Variants in COL6A1 observed in about 807,000 individuals in gnomAD.
The protein encoded by COL6A1 is collagen type VI alpha 1 chain, also known as collagen alpha-1(VI) chain.
COL6A1 carries 80 observed loss-of-function variants against 145.6 expected under a neutral mutation model. That is an observed-to-expected ratio of 0.55 (90% CI 0.46 to 0.66). The LOEUF (loss-of-function observed/expected upper bound fraction) is 0.66, where lower values mean the gene tolerates loss of function less well. COL6A1 is among the 30% of genes least tolerant of loss of function. The pLI is 0.00. For missense variants in COL6A1, 1,364 were observed against 1,473.8 expected, an observed-to-expected ratio of 0.93 and a Z score of 1.22; for synonymous variants, 638 against 622.8, an observed-to-expected ratio of 1.02 and a Z score of -0.36.
At position 46,004,050 on chromosome 21, in the gene COL6A1, AC is replaced by A. The variant is rs753788206; in HGVS notation, c.*41del. 6.2e-6 allele frequency: 10 copies of A among 1,606,536 alleles called. No homozygotes were observed. The African/African-American group carries it at 1.1e-4, about 17-fold the overall frequency. On this transcript the variant is annotated 3_prime_UTR_variant, in exon 35 of 35. Transcript: ENST00000361866. ...CGCCGGCACCAAACCCTGTCCTCCCACCCCTCCCCACTCATCACTAAACAGA... is the reference window on the plus strand; with the variant it reads ...CGCCGGCACCAAACCCTGTCCTCCCACCCTCCCCACTCATCACTAAACAGA...
At chr21:46,000,626 G>A in intron 28 of COL6A1, 133 bp from the exon 29 acceptor site, 1 of 1,403,106 alleles carries the variant, frequency 7.1e-7, no homozygotes, top group Non-Finnish European at 1.0e-6. Flanking sequence ...GGGGCAGGAG[G>A]CCGGGGAAGG....
intron 3 of COL6A1, among the ~76,000 whole-genome samples, chr21:45,985,287 C>T (rs1311656988): frequency 1.3e-5 from 2 of 149,446 alleles, no homozygotes; most frequent in Admixed American, 6.6e-5. Context: ...GGGACAGAGA[C>T]AGAGAGATAG....
At chr21:45,998,750 C>T in intron 24 of COL6A1, 147 bp from the exon 25 acceptor site, 1 of 1,089,310 alleles carries the variant, frequency 9.2e-7, no homozygotes, top group Non-Finnish European at 1.3e-6. Flanking sequence ...ACTCCGGGAC[C>T]CAGTTTCTCC....
At chr21:45,998,803 G>GGCACT in intron 24 of COL6A1, 94 bp from the exon 25 acceptor site, 1 of 1,335,678 alleles carries the variant, frequency 7.5e-7, no homozygotes, top group Non-Finnish European at 1.0e-6. Flanking sequence ...AGAGAAGAGT[G>GGCACT]CCTCTCTTAT....
Position 45,994,380 on chromosome 21 carries a change from G to A in COL6A1, c.1398+151G>A, listed in dbSNP as rs1010907358. The stretch of plus-strand genomic sequence containing the variant: ...TCGGGGGTGTCCCTGCGTGGGAGCC[G>A]GCTGCAGGGGGTGAGGCGCGGCCTG... On this transcript the variant is annotated intron_variant, in intron 20 of 34. Transcript: ENST00000361866. The surrounding 1 kb of genome is among the most constrained non-coding windows in gnomAD (Gnocchi z 6.8). 7.9e-5 allele frequency: 65 copies of A among 819,526 alleles called. No homozygotes were observed. The highest frequency in any genetic ancestry group is 9.3e-5 in the Non-Finnish European group (47 of 503,788). 50.8% of individuals were successfully genotyped at this position (819,526 alleles called of 1,614,324 possible).
chr21:46,001,465 T>G (rs935966970), intron 30 of COL6A1, 79 bp downstream of exon 30: 122 of 1,573,332 alleles, frequency 7.8e-5, no homozygotes, highest in Non-Finnish European at 9.7e-5. Flanking sequence ...GCGCCAGACC[T>G]CAGCCTCCCG....
chr21:46,002,407 G>T lies in COL6A1; in HGVS notation c.2250+6G>T. 2 of 1,606,796 alleles carry T rather than the reference G, an allele frequency of 1.2e-6. No homozygotes were observed. Among genetic ancestry groups the T allele is most frequent in the Middle Eastern group, 1.7e-4 (1 of 6,054 alleles). ...TCTGCAGCCCCGGCATCCAGGTGGGGTGGCCACCCCCAGGCTGCACCTGCC... is the reference window on the plus strand; with the variant it reads ...TCTGCAGCCCCGGCATCCAGGTGGGTTGGCCACCCCCAGGCTGCACCTGCC... On this transcript the variant is annotated splice_donor_region_variant and intron_variant, in intron 32 of 34. Transcript: ENST00000361866.
Position 45,992,658 on chromosome 21 carries a change from G to A in COL6A1, c.1273-90G>A, listed in dbSNP as rs1037010129. The stretch of plus-strand genomic sequence containing the variant: ...GCCCCTCCCAGGGGTCCTGCTGGGG[G>A]AGTCAGTCCAGGCCAGGCCTCAAGC... On this transcript the variant is annotated intron_variant, in intron 18 of 34. Transcript: ENST00000361866. 3.8e-6 allele frequency: 5 copies of A among 1,326,094 alleles called. No individual in the cohort carries two copies. In the African/African-American group the frequency reaches 4.4e-5, roughly 12 times the overall value. 82.1% of individuals were successfully genotyped at this position (1,326,094 alleles called of 1,614,324 possible).
rs1298441209 is a variant in COL6A1 at position 45,999,684 on chromosome 21, G to A, written c.1768G>A (p.Gly590Arg). The A allele has an allele frequency of 5.6e-6, 9 of 1,613,406 alleles. No individual in the cohort carries two copies. The South Asian group carries it at 9.9e-5, about 18-fold the overall frequency. The change falls in exon 27 of 35, where the codon GGG becomes AGG. Residue 590 changes from glycine to arginine, a missense_variant. Physicochemically the swap from Gly to Arg is moderately radical, Grantham distance 125. Around this residue, in one of 3 missense-constraint regions of COL6A1, gnomAD observed 938 missense variants for 1,003.8 expected, o/e 0.93. Coordinates refer to ENST00000361866, the MANE Select transcript of COL6A1 (RefSeq NM_001848.3). ...ACCCCCAGGACACCAAGGACCGCCT[G>A]GGCCGGACGTAAGTGGGGCTCTGTG... ...QGPPGHQGPP[G>R]PDECEILDII...
In COL6A1 at chr21:45,990,241, G is replaced by A. The variant is rs568147495; in HGVS notation, c.931-17G>A. On this transcript the variant is annotated splice_polypyrimidine_tract_variant and intron_variant, in intron 11 of 34. Coordinates refer to ENST00000361866, the MANE Select transcript of COL6A1 (RefSeq NM_001848.3). Reference sequence around the variant, plus strand: ...CCACCCCAAATACCCCCTCACACCCGCTTCCTGTCTCCGCAGGGCTCCAGG... The same window carrying A: ...CCACCCCAAATACCCCCTCACACCCACTTCCTGTCTCCGCAGGGCTCCAGG... 156 of 1,269,856 alleles carry A rather than the reference G, an allele frequency of 1.2e-4. No individual in the cohort carries two copies. In the Middle Eastern group the frequency reaches 1.2e-3, roughly 10 times the overall value. 78.7% of individuals were successfully genotyped at this position (1,269,856 alleles called of 1,614,324 possible).
At chr21:45,987,692 G>T (rs200123113) in intron 8 of COL6A1, 38 bp downstream of exon 8, 213 of 1,587,604 alleles carry the variant, frequency 1.3e-4, no homozygotes, top group Middle Eastern at 8.8e-4. Flanking sequence ...GTGTTGTGGG[G>T]CCTGGGAGTG....
At chr21:45,996,474 T>C (rs978964086) in intron 20 of COL6A1, among the ~76,000 whole-genome samples, 5 of 152,080 alleles carry the variant, frequency 3.3e-5, no homozygotes, top group African/African-American at 1.2e-4. Context: ...GGGGTCAGGA[T>C]GGTGAATGGG....
At position 46,004,049 on chromosome 21, in the gene COL6A1, C is replaced by T; in HGVS notation, c.*36C>T. 2 of 1,611,706 alleles carry T rather than the reference C, an allele frequency of 1.2e-6. No individual in the cohort carries two copies. The highest frequency in any genetic ancestry group is 1.7e-6 in the Non-Finnish European group (2 of 1,179,160). ...ACGCCGGCACCAAACCCTGTCCTCC[C>T]ACCCCTCCCCACTCATCACTAAACA... On this transcript the variant is annotated 3_prime_UTR_variant, in exon 35 of 35. Coordinates refer to ENST00000361866, the MANE Select transcript of COL6A1 (RefSeq NM_001848.3).
intron 21 of COL6A1, 48 bp from the exon 22 acceptor site, chr21:45,997,652 G>A: frequency 6.4e-7 from 1 of 1,566,166 alleles, no homozygotes; most frequent in African/African-American, 1.4e-5. Flanking sequence ...TTCCCTCCAA[G>A]GTCACCATGC....
At chr21:46,003,269 ACTC>A in intron 34 of COL6A1, 119 bp from the exon 35 acceptor site, 1 of 1,602,668 alleles carries the variant, frequency 6.2e-7, no homozygotes, top group East Asian at 2.2e-5. Flanking sequence ...TGCATGGCTC[ACTC>A]CGGTGGCTGA....
At chr21:45,992,631 T>C in intron 18 of COL6A1, 117 bp from the exon 19 acceptor site, 2 of 1,112,400 alleles carry the variant, frequency 1.8e-6, no homozygotes, top group Non-Finnish European at 1.3e-6. Context: ...GGTGGAGGGG[T>C]GGCCCCTCCC....
rs1310931207 is a variant in COL6A1 at position 46,003,979 on chromosome 21, A to G, written c.3053A>G (p.His1018Arg). The G allele has an allele frequency of 1.2e-6, 2 of 1,613,040 alleles. No homozygotes were observed. The highest frequency in any genetic ancestry group is 1.7e-6 in the Non-Finnish European group (2 of 1,179,992). Residue 1018 changes from histidine (H) to arginine (R), a missense_variant, in exon 35 of 35, where the codon CAC becomes CGC. Coordinates refer to ENST00000361866, the MANE Select transcript of COL6A1 (RefSeq NM_001848.3). ...SYQALLRGVF[H>R]QTVSRKVALG ...CAGGCCCTGCTCCGCGGTGTCTTCC[A>G]CCAGACAGTCTCCAGGAAGGTGGCG...
rs2077724658 is a variant in COL6A1 at position 45,984,304 on chromosome 21, C to T, written c.263C>T (p.Ala88Val). ...YRCDRNLVWN[A>V]GALHYSDEVE... ...TGTGACCGAAACCTGGTGTGGAACGCAGGCGCGCTGCACTACAGTGACGAG... is the reference window on the plus strand; with the variant it reads ...TGTGACCGAAACCTGGTGTGGAACGTAGGCGCGCTGCACTACAGTGACGAG... Residue 88 changes from alanine (A) to valine (V), a missense_variant, in exon 3 of 35, where the codon GCA (alanine) becomes GTA (valine). Physicochemically the swap from Ala to Val is moderately conservative, Grantham distance 64 (BLOSUM62 0). Coordinates refer to ENST00000361866, the MANE Select transcript of COL6A1 (RefSeq NM_001848.3). The T allele has an allele frequency of 1.2e-6, 2 of 1,611,132 alleles. No homozygotes were observed. Among genetic ancestry groups the T allele is most frequent in the East Asian group, 2.2e-5 (1 of 44,814 alleles).
At chr21:45,983,432 C>T (rs1449536722) in intron 2 of COL6A1, among the ~76,000 whole-genome samples, 3 of 152,096 alleles carry the variant, frequency 2.0e-5, no homozygotes, top group East Asian at 3.9e-4. Flanking sequence ...CCCACTGAGA[C>T]GGGTCCTGGC....
Sources: allele counts gnomAD v4.1 joint callset (sites outside exome capture counted in the v4.1 genomes callset), GRCh38; gene constraint gnomAD v4.1.1; regional missense constraint gnomAD v4.1.1; non-coding constraint Gnocchi (gnomAD v3.1); transcripts MANE v1.5; gene names NCBI Gene and HGNC (gene_info 2026-07-23, HGNC 2026-07-21).